The following CLVS2 variants were observed in gnomAD, a reference collection of about 807,000 sequenced individuals.
The protein encoded by CLVS2 is clavesin 2.
A neutral mutation model predicts 29.0 loss-of-function variants in CLVS2; 19 were observed. That is an observed-to-expected ratio of 0.66 (90% CI 0.46 to 0.96). The LOEUF (loss-of-function observed/expected upper bound fraction) is 0.96. Among genes scored for constraint, CLVS2 ranks in the 40% least tolerant of loss-of-function variants. The pLI, the probability that CLVS2 is intolerant of heterozygous loss-of-function variation, is 0.00. For synonymous variants in CLVS2, 161 were observed against 151.3 expected, an observed-to-expected ratio of 1.06 and a Z score of -0.47; for missense variants, 294 against 404.1, an observed-to-expected ratio of 0.73 and a Z score of 2.34.
chr6:123,051,093 A>G (rs918740211), intron 4 of CLVS2, among the ~76,000 whole-genome samples: 1 of 152,134 alleles, frequency 6.6e-6, no homozygotes, highest in Non-Finnish European at 1.5e-5. Flanking sequence ...AAATTTCTTC[A>G]CTGATATTCC....
intron 3 of CLVS2, among the ~76,000 whole-genome samples, chr6:123,040,992 A>G (rs188097848): frequency 6.6e-6 from 1 of 152,250 alleles, no homozygotes; most frequent in Non-Finnish European, 1.5e-5. Context: ...GGCAGGTGAC[A>G]GTTGTGTGCT....
Position 123,064,691 on chromosome 6 carries a change from C to T in CLVS2, c.*930C>T, listed in dbSNP as rs1582668674. On this transcript the variant is annotated 3_prime_UTR_variant, in exon 6 of 6. Transcript: ENST00000275162. ...AAAAGTATATATATATATATATTCA[C>T]ACATATATATTTTTACTGAGCTCTA... The T allele has an allele frequency of 6.6e-6, 1 of 150,626 alleles. No individual in the cohort carries two copies. The highest frequency in any genetic ancestry group is 1.9e-4 in the East Asian group (1 of 5,162). 9.3% of individuals were successfully genotyped at this position (150,626 alleles called of 1,614,324 possible).
At position 122,997,858 on chromosome 6, in the gene CLVS2, G is replaced by A. The variant is rs1774534762; in HGVS notation, c.81G>A (p.Leu27=). The change falls in exon 2 of 6, where the codon CTG becomes CTA. Residue 27 remains leucine (L), a synonymous_variant. Coordinates refer to ENST00000275162, the MANE Select transcript of CLVS2 (RefSeq NM_001010852.4). ...AGCTCAATGAAAACCCAGACACGCTGCACCAGGACATCCAGGAGGTGAGGG... is the reference window on the plus strand; with the variant it reads ...AGCTCAATGAAAACCCAGACACGCTACACCAGGACATCCAGGAGGTGAGGG... ...RLELNENPDT[L]HQDIQEVRDM... 3 of 1,614,084 alleles carry A rather than the reference G, an allele frequency of 1.9e-6. No individual in the cohort carries two copies. The highest frequency in any genetic ancestry group is 3.3e-4 in the Middle Eastern group (2 of 6,084).
intron 3 of CLVS2, among the ~76,000 whole-genome samples, chr6:123,046,857 C>G (rs1223678330): frequency 6.6e-6 from 1 of 152,080 alleles, no homozygotes; most frequent in Non-Finnish European, 1.5e-5. Context: ...GCTGAACTCT[C>G]AAGAATGTGA....
At chr6:123,059,383 G>C (rs1217598672) in intron 5 of CLVS2, among the ~76,000 whole-genome samples, 1 of 152,150 alleles carries the variant, frequency 6.6e-6, no homozygotes, top group Non-Finnish European at 1.5e-5. Flanking sequence ...GCTTCAAGGA[G>C]ACCATATTGT....
intron 2 of CLVS2, among the ~76,000 whole-genome samples, chr6:123,008,810 A>T (rs1774708183): frequency 6.6e-6 from 1 of 151,868 alleles, no homozygotes; most frequent in Non-Finnish European, 1.5e-5. Flanking sequence ...TTTAAAATGG[A>T]GGTAGGCCAG....
At chr6:123,002,596 A>AAAT (rs1188639745) in intron 2 of CLVS2, among the ~76,000 whole-genome samples, 2 of 151,444 alleles carry the variant, frequency 1.3e-5, no homozygotes, top group Non-Finnish European at 2.9e-5. Context: ...TAATAAAATA[A>AAAT]AATAAAATAA....
At chr6:123,003,792 C>G (rs1360198601) in intron 2 of CLVS2, among the ~76,000 whole-genome samples, 1 of 152,164 alleles carries the variant, frequency 6.6e-6, no homozygotes. Flanking sequence ...CAGCTGTGGG[C>G]TACTCAGTGT....
rs369348745 is a variant in CLVS2 at position 123,043,579 on chromosome 6, C to T, written c.565-5043C>T. Among the ~76,000 whole-genome samples the T allele has an allele frequency of 2.2e-4, 33 of 152,174 alleles. 1 individual carries two copies. The highest frequency in any genetic ancestry group is 1.6e-3 in the Admixed American group (24 of 15,288). On this transcript the variant is annotated intron_variant, in intron 3 of 5. Coordinates refer to ENST00000275162, the MANE Select transcript of CLVS2 (RefSeq NM_001010852.4). ...GATTTAATTTTAAATAAGTAAATTA[C>T]GCATACGATTTCTGCTTATGTTCAC... is the stretch of plus-strand genomic sequence containing the variant.
rs190842390 is a variant in CLVS2 at position 123,050,402 on chromosome 6, G to A, written c.675+1670G>A. On this transcript the variant is annotated intron_variant, in intron 4 of 5. Transcript: ENST00000275162. ...CATTTAGTACTTACGACACCACTTT[G>A]GAGTATATATTGTTATTTTTCTCAT... 2.2e-3 allele frequency among the ~76,000 whole-genome samples: 341 copies of A among 152,244 alleles called. 1 individual carries two copies. Among genetic ancestry groups the A allele is most frequent in the Non-Finnish European group, 3.8e-3 (260 of 68,024 alleles).
intron 3 of CLVS2, among the ~76,000 whole-genome samples, chr6:123,021,977 A>T (rs1009861838): frequency 6.6e-6 from 1 of 151,996 alleles, no homozygotes; most frequent in Non-Finnish European, 1.5e-5. Context: ...TTGTGTGCCC[A>T]TAGGATTTTC....
intron 2 of CLVS2, among the ~76,000 whole-genome samples, chr6:122,999,857 A>G (rs1210950395): frequency 6.6e-6 from 1 of 152,158 alleles, no homozygotes; most frequent in Non-Finnish European, 1.5e-5. Context: ...ATGAATTTCT[A>G]TAAGTGAACT....
At chr6:123,032,189 C>T (rs1010527232) in intron 3 of CLVS2, among the ~76,000 whole-genome samples, 1 of 151,884 alleles carries the variant, frequency 6.6e-6, no homozygotes, top group African/African-American at 2.4e-5. Context: ...TTTATAGTGC[C>T]TTTGATTTTT....
intron 5 of CLVS2, among the ~76,000 whole-genome samples, chr6:123,063,182 AT>A (rs1305582199): frequency 2.0e-5 from 3 of 152,202 alleles, no homozygotes; most frequent in Admixed American, 1.3e-4. Flanking sequence ...TGATACAATC[AT>A]TAAAGTTAAA....
chr6:122,997,994 G>A lies in CLVS2; in HGVS notation c.217G>A (p.Ala73Thr). 6.2e-7 allele frequency: 1 copy of A among 1,614,130 alleles called. No individual in the cohort carries two copies. Residue 73 changes from alanine (A) to threonine (T), a missense_variant, in exon 2 of 6, where the codon GCG becomes ACG. Ala to Thr is a moderately conservative substitution (Grantham distance 58). This residue lies in a region of CLVS2 where 212 missense variants were observed against 336.4 expected (regional missense o/e 0.63). Transcript: ENST00000275162. The stretch of plus-strand genomic sequence containing the variant: ...TCACTTTGAGGCCTTCCGCCTCCTG[G>A]CGCAGTACTTTGAGTACCGGCAGCA... ...FHHFEAFRLL[A>T]QYFEYRQQNL...
Position 123,035,003 on chromosome 6 carries a change from G to A in CLVS2, c.565-13619G>A, listed in dbSNP as rs535037263. ...CAGCATTGTGCCAATACAGAGTATC[G>A]CAGGCACAATAAATACTTGTTGAAT... On this transcript the variant is annotated intron_variant, in intron 3 of 5. Transcript: ENST00000275162. Among the ~76,000 whole-genome samples the A allele has an allele frequency of 5.3e-5, 8 of 152,166 alleles. No homozygotes were observed. In the South Asian group the frequency reaches 1.5e-3, roughly 28 times the overall value.
chr6:123,061,129 C>A (rs928091594), intron 5 of CLVS2, among the ~76,000 whole-genome samples: 3 of 152,110 alleles, frequency 2.0e-5, no homozygotes, highest in Non-Finnish European at 4.4e-5. Context: ...GGTGAAACCT[C>A]ATTTCTACTA....
In CLVS2 at chr6:123,065,079, C is replaced by G. The variant is rs1772832789; in HGVS notation, c.*1318C>G. On this transcript the variant is annotated 3_prime_UTR_variant, in exon 6 of 6. Coordinates refer to ENST00000275162, the MANE Select transcript of CLVS2 (RefSeq NM_001010852.4). Reference sequence around the variant, plus strand: ...AAAGACTGAAAAAACACATTATATTCAGGAGATATAATGAAATTATTGGAA... The same window carrying G: ...AAAGACTGAAAAAACACATTATATTGAGGAGATATAATGAAATTATTGGAA... The G allele has an allele frequency of 6.6e-6, 1 of 151,690 alleles. No homozygotes were observed. The highest frequency in any genetic ancestry group is 1.5e-5 in the Non-Finnish European group (1 of 67,802). The allele number at this position is 151,690 out of a possible 1,614,324, so 9.4% of individuals were successfully genotyped here.
rs1336492752 is a variant in CLVS2 at position 123,010,974 on chromosome 6, G to A, written c.390-11G>A. 4.8e-6 allele frequency: 7 copies of A among 1,449,152 alleles called. No individual in the cohort carries two copies. The highest frequency in any genetic ancestry group is 6.4e-6 in the Non-Finnish European group (7 of 1,089,452). The allele number at this position is 1,449,152 out of a possible 1,614,324, so 89.8% of individuals were successfully genotyped here. A position where few individuals can be genotyped will look rare whatever the true frequency, so the allele number is the denominator to read the frequency against. On this transcript the variant is annotated splice_polypyrimidine_tract_variant and intron_variant, in intron 2 of 5. Transcript: ENST00000275162. ...GTCAGACCTAATTTAGTACTTTTCT[G>A]TCGCCGATAGGTACACACTGGTGGA... is the stretch of plus-strand genomic sequence containing the variant.
Sources: gnomAD v4.1 joint callset for allele counts (sites outside exome capture counted in the v4.1 genomes callset) on GRCh38, gnomAD v4.1.1 for gene constraint, gnomAD v4.1.1 regional missense constraint, MANE v1.5 for transcripts, NCBI Gene and HGNC (gene_info 2026-07-23, HGNC 2026-07-21) for gene names.